DCC: variants seen among roughly 807,000 people sequenced by gnomAD.
DCC encodes the protein netrin receptor DCC.
Under a neutral mutation model 172.5 loss-of-function variants are expected in DCC, and 58 were observed. That is an observed-to-expected ratio of 0.34 (90% CI 0.27 to 0.42). The LOEUF is 0.42. Among genes scored for constraint, DCC ranks in the 10% least tolerant of loss-of-function variants. The pLI, the probability that DCC is intolerant of heterozygous loss-of-function variation, is 1.00. For missense variants in DCC, 1,740 were observed against 1,791.0 expected (o/e 0.97, Z 0.51); for synonymous variants, 709 against 644.5 (o/e 1.10, Z -1.52).
intron 5 of DCC, among the ~76,000 whole-genome samples, chr18:52,945,100 T>A (rs1035790228): frequency 6.6e-6 from 1 of 152,214 alleles, no homozygotes; most frequent in Non-Finnish European, 1.5e-5. Context: ...TGAAGACCAG[T>A]CACACATTCC....
intron 7 of DCC, among the ~76,000 whole-genome samples, chr18:53,113,657 T>A (rs777867540): frequency 7.3e-5 from 11 of 151,450 alleles, no homozygotes; most frequent in Non-Finnish European, 1.3e-4. Flanking sequence ...AAGTTTAGAA[T>A]GTAGATTACT....
intron 2 of DCC, among the ~76,000 whole-genome samples, chr18:52,767,079 C>A (rs1464665915): frequency 1.3e-5 from 2 of 151,466 alleles, no homozygotes; most frequent in Admixed American, 1.3e-4. Flanking sequence ...GTTTCCCATG[C>A]AAAGTTTGTT....
In DCC at chr18:53,486,899, G is replaced by C; in HGVS notation, c.3839G>C (p.Arg1280Pro). The change falls in exon 26 of 29, where the codon CGG becomes CCG. Residue 1280 changes from arginine to proline, a missense_variant. Arg to Pro is a moderately radical substitution (Grantham distance 103). Around this residue, in one of 2 missense-constraint regions of DCC, gnomAD observed 1,732 missense variants for 1,767.4 expected, o/e 0.98. Transcript: ENST00000442544. Reference sequence around the variant, plus strand: ...TATCCCCACCCGCAGTTCACTCTCCGGCCTGTGCCATTCCCAACACTCTCA... The same window carrying C: ...TATCCCCACCCGCAGTTCACTCTCCCGCCTGTGCCATTCCCAACACTCTCA... ...CGYPHPQFTL[R>P]PVPFPTLSVD... 6.2e-7 allele frequency: 1 copy of C among 1,614,140 alleles called. No individual in the cohort carries two copies. The highest frequency in any genetic ancestry group is 8.5e-7 in the Non-Finnish European group (1 of 1,180,032).
intron 9 of DCC, among the ~76,000 whole-genome samples, chr18:53,182,601 AATTAT>A (rs1444672199): frequency 6.6e-6 from 1 of 152,148 alleles, no homozygotes; most frequent in Non-Finnish European, 1.5e-5. Context: ...AGAATAAATA[AATTAT>A]ATTATCATGA....
At chr18:52,499,104 A>G (rs142269040) in intron 1 of DCC, among the ~76,000 whole-genome samples, 5 of 152,238 alleles carry the variant, frequency 3.3e-5, no homozygotes, top group Non-Finnish European at 7.4e-5. Context: ...ATTTGGCCTT[A>G]TACATTTATG....
chr18:52,802,064 C>A (rs1180798888), intron 2 of DCC, among the ~76,000 whole-genome samples: 2 of 151,258 alleles, frequency 1.3e-5, no homozygotes, highest in African/African-American at 4.9e-5. Context: ...AGCAGTAACA[C>A]AGTATTACTG....
rs1438994408 is a variant in DCC at position 53,435,173 on chromosome 18, G to T, written c.3193G>T (p.Val1065Phe). The T allele has an allele frequency of 7.4e-6, 12 of 1,611,040 alleles. No individual in the cohort carries two copies. The highest frequency in any genetic ancestry group is 2.2e-5 in the East Asian group (1 of 44,820). ...GRHGDGGYWPVDTNLIDRSTL... is the reference protein window; with the variant it reads ...GRHGDGGYWPFDTNLIDRSTL... The stretch of plus-strand genomic sequence containing the variant: ...TCATGGAGATGGAGGTTATTGGCCA[G>T]TTGATACTAATTTGATTGATAGAAG... Residue 1065 changes from valine (V) to phenylalanine (F), a missense_variant, in exon 22 of 29, where the codon GTT becomes TTT. Val to Phe is a conservative substitution (Grantham distance 50). Transcript: ENST00000442544.
intron 2 of DCC, among the ~76,000 whole-genome samples, chr18:52,870,640 T>C (rs2039304508): frequency 1.3e-5 from 2 of 151,964 alleles, no homozygotes; most frequent in Non-Finnish European, 2.9e-5. Context: ...ATTTCTGCAG[T>C]TTTGACAACC....
At chr18:52,439,862 C>T (rs558108037) in intron 1 of DCC, among the ~76,000 whole-genome samples, 121 of 152,018 alleles carry the variant, frequency 8.0e-4, no homozygotes, top group African/African-American at 2.8e-3. Flanking sequence ...ATCTTATGTA[C>T]CTCATAAATA....
At chr18:53,151,780 C>G (rs1392891541) in intron 7 of DCC, among the ~76,000 whole-genome samples, 2 of 152,030 alleles carry the variant, frequency 1.3e-5, no homozygotes, top group East Asian at 3.9e-4. Context: ...AATCTACTAC[C>G]ACAAAAGTCA....
chr18:52,488,212 T>A (rs945337060), intron 1 of DCC, among the ~76,000 whole-genome samples: 1 of 152,210 alleles, frequency 6.6e-6, no homozygotes, highest in Non-Finnish European at 1.5e-5. Flanking sequence ...CAGACTCTTC[T>A]TTGATTAGCT....
chr18:52,784,457 A>C (rs2037614022), intron 2 of DCC, among the ~76,000 whole-genome samples: 1 of 151,976 alleles, frequency 6.6e-6, no homozygotes, highest in Admixed American at 6.6e-5. Flanking sequence ...ATTGTATGAT[A>C]TTTCTACTTT....
At chr18:52,737,396 G>C (rs919320705) in intron 1 of DCC, among the ~76,000 whole-genome samples, 1 of 152,120 alleles carries the variant, frequency 6.6e-6, no homozygotes, top group Non-Finnish European at 1.5e-5. Context: ...GAGTGGGCTA[G>C]ACTGCACTGC....
intron 9 of DCC, among the ~76,000 whole-genome samples, chr18:53,188,732 C>T (rs974994878): frequency 1.3e-5 from 2 of 152,116 alleles, no homozygotes; most frequent in Non-Finnish European, 2.9e-5. Flanking sequence ...ATCGAGGTGT[C>T]AGTAGGGCTA....
In DCC at chr18:52,680,791, G is replaced by A. The variant is rs927157021; in HGVS notation, c.92-71263G>A. ...TTCCCTGTCTTAGATGTTGTTAAAG[G>A]AAAAAATCTCTTCTTACACTGCCCT... On this transcript the variant is annotated intron_variant, in intron 1 of 28. Transcript: ENST00000442544. Among the ~76,000 whole-genome samples, 7 of 152,076 alleles carry A rather than the reference G, an allele frequency of 4.6e-5. No individual in the cohort carries two copies. The South Asian group carries it at 6.2e-4, about 14-fold the overall frequency.
intron 2 of DCC, among the ~76,000 whole-genome samples, chr18:52,768,753 G>T (rs535622097): frequency 2.5e-4 from 38 of 152,164 alleles, no homozygotes; most frequent in Admixed American, 7.8e-4. Context: ...TCATTATTTA[G>T]CATAGGGAGG....
intron 1 of DCC, among the ~76,000 whole-genome samples, chr18:52,541,606 T>G (rs2144703392): frequency 6.6e-6 from 1 of 152,152 alleles, no homozygotes; most frequent in African/African-American, 2.4e-5. Context: ...CTAACCTCAA[T>G]ATTTTATAAG....
At chr18:52,819,955 C>A (rs1198726737) in intron 2 of DCC, among the ~76,000 whole-genome samples, 7 of 152,024 alleles carry the variant, frequency 4.6e-5, no homozygotes, top group African/African-American at 1.5e-4. Context: ...CTCCTGACCT[C>A]GTGATCCACC....
intron 1 of DCC, among the ~76,000 whole-genome samples, chr18:52,635,631 G>T (rs2034761604): frequency 1.3e-5 from 2 of 152,086 alleles, no homozygotes; most frequent in Admixed American, 1.3e-4. Context: ...ATATTCCATA[G>T]AACATAAGAA....
Sources: gnomAD v4.1 joint callset for allele counts (sites outside exome capture counted in the v4.1 genomes callset) on GRCh38, gnomAD v4.1.1 for gene constraint, gnomAD v4.1.1 regional missense constraint, MANE v1.5 for transcripts, NCBI Gene and HGNC (gene_info 2026-07-23, HGNC 2026-07-21) for gene names.